The following ACAN variants were observed in gnomAD, a reference collection of about 807,000 sequenced individuals.
The protein encoded by ACAN is aggrecan core protein.
ACAN carries 47 observed loss-of-function variants against 169.1 expected under a neutral mutation model. The observed-to-expected ratio is 0.28, with a 90% CI of 0.22 to 0.35. The LOEUF (loss-of-function observed/expected upper bound fraction) is 0.35, where lower values mean the gene tolerates loss of function less well. Among genes scored for constraint, ACAN ranks in the 10% least tolerant of loss-of-function variants. The probability of loss-of-function intolerance (pLI) is 1.00; values close to 1 mark genes in which losing one functional copy is unlikely to be tolerated. For synonymous variants in ACAN, 1,115 were observed against 1,112.2 expected (o/e 1.00, Z -0.05); for missense variants, 2,716 against 2,759.9 (o/e 0.98, Z 0.36).
chr15:88,859,422 T>G lies in ACAN; in HGVS notation c.6832+5T>G, dbSNP rs775904422. On this transcript the variant is annotated splice_donor_5th_base_variant and intron_variant, in intron 12 of 18. Transcript: ENST00000560601. ...AATCAGAATCAACTGCTGCAGGTAT[T>G]GTGATTTTTTCCCCCTTTAAATGTG... 3.2e-6 allele frequency: 5 copies of G among 1,552,836 alleles called. 1 individual carries two copies. The South Asian group carries it at 5.9e-5, about 18-fold the overall frequency.
intron 4 of ACAN, 36 bp from the exon 5 acceptor site, chr15:88,841,704 C>G (rs771073044): frequency 3.1e-6 from 5 of 1,613,128 alleles, no homozygotes; most frequent in East Asian, 2.2e-5. Context: ...CCCTTTGTCC[C>G]CTGAGTGTCA....
Position 88,807,518 on chromosome 15 carries a change from C to T in ACAN, c.-8+3709C>T, listed in dbSNP as rs1028562463. ...ATCCAACAGGACACAGCCATCCCTG[C>T]GAGGGAGTCTGGGCCCCTGGACGCA... On this transcript the variant is annotated intron_variant, in intron 1 of 18. Coordinates refer to ENST00000560601, the MANE Select transcript of ACAN (RefSeq NM_001369268.1). This position sits in a 1 kb window ranked among gnomAD's most constrained non-coding sequence, Gnocchi z 4.0. Among the ~76,000 whole-genome samples, 3 of 152,122 alleles carry T rather than the reference C, an allele frequency of 2.0e-5. No homozygotes were observed. The highest frequency in any genetic ancestry group is 2.1e-4 in the South Asian group (1 of 4,822).
chr15:88,818,293 G>T (rs1021244576), intron 1 of ACAN, among the ~76,000 whole-genome samples: 1 of 152,334 alleles, frequency 6.6e-6, no homozygotes, highest in African/African-American at 2.4e-5. Context: ...ACACAACTGT[G>T]AGTGCATTCT....
At chr15:88,818,918 A>T (rs570497162) in intron 1 of ACAN, among the ~76,000 whole-genome samples, 2 of 152,386 alleles carry the variant, frequency 1.3e-5, no homozygotes, top group South Asian at 4.1e-4. Context: ...ATTTTATGTT[A>T]TGTATATTTT....
rs977572344 is a variant in ACAN at position 88,875,107 on chromosome 15, G to T, written c.*626G>T. 8 of 158,382 alleles carry T rather than the reference G, an allele frequency of 5.1e-5. No homozygotes were observed. The highest frequency in any genetic ancestry group is 1.1e-4 in the Non-Finnish European group (8 of 71,662). The allele number at this position is 158,382 out of a possible 1,614,324, so 9.8% of individuals were successfully genotyped here. A position where few individuals can be genotyped will look rare whatever the true frequency, so the allele number is the denominator to read the frequency against. ...TCAGAGGGACCTCCGCTGCCTGGGA[G>T]TTGGGTTCCCTCCAAGGGTCCCTCT... On this transcript the variant is annotated 3_prime_UTR_variant, in exon 19 of 19. Coordinates refer to ENST00000560601, the MANE Select transcript of ACAN (RefSeq NM_001369268.1). This position sits in a 1 kb window ranked among gnomAD's most constrained non-coding sequence, Gnocchi z 4.8.
rs1031315517 is a variant in ACAN at position 88,839,379 on chromosome 15, A to C, written c.454+333A>C. On this transcript the variant is annotated intron_variant, in intron 3 of 18. Transcript: ENST00000560601. This position sits in a 1 kb window ranked among gnomAD's most constrained non-coding sequence, Gnocchi z 4.5. ...TGACTTGCCTGAGGTTACCCTGGAA[A>C]TGAGTCAGAGCAGTCTCCTGACAGT... 6.6e-6 allele frequency among the ~76,000 whole-genome samples: 1 copy of C among 152,222 alleles called. No homozygotes were observed. Among genetic ancestry groups the C allele is most frequent in the Non-Finnish European group, 1.5e-5 (1 of 68,040 alleles).
intron 1 of ACAN, among the ~76,000 whole-genome samples, chr15:88,821,525 C>G (rs1328406248): frequency 6.6e-6 from 1 of 152,178 alleles, no homozygotes; most frequent in African/African-American, 2.4e-5. Context: ...ATCTATAGTT[C>G]CCTGTCAGCA....
At position 88,857,887 on chromosome 15, in the gene ACAN, G is replaced by A. The variant is rs1461918354; in HGVS notation, c.5302G>A (p.Glu1768Lys). The A allele has an allele frequency of 6.2e-7, 1 of 1,613,562 alleles. No individual in the cohort carries two copies. The highest frequency in any genetic ancestry group is 1.1e-5 in the South Asian group (1 of 91,064). ...CTCTGGACAACCAGGTATTAGTGGA[G>A]AAGCATCTGGAGTTCTTTATGGCAC... ...LSSGQPGISG[E>K]ASGVLYGTSQ... Residue 1768 changes from glutamate (E) to lysine (K), a missense_variant, in exon 12 of 19, where the codon GAA becomes AAA. Physicochemically the swap from Glu to Lys is moderately conservative, Grantham distance 56. Around this residue, in one of 3 missense-constraint regions of ACAN, gnomAD observed 1,389 missense variants for 1,363.7 expected, o/e 1.02. Coordinates refer to ENST00000560601, the MANE Select transcript of ACAN (RefSeq NM_001369268.1).
In ACAN at chr15:88,814,457, G is replaced by C. The variant is rs1018358525; in HGVS notation, c.-8+10648G>C. On this transcript the variant is annotated intron_variant, in intron 1 of 18. Coordinates refer to ENST00000560601, the MANE Select transcript of ACAN (RefSeq NM_001369268.1). This position sits in a 1 kb window ranked among gnomAD's most constrained non-coding sequence, Gnocchi z 4.0. ...TCTTACCATCCTGGAGCAGAAAGGG[G>C]CCTCAGGAATGCAAGAAGAGCCACA... Among the ~76,000 whole-genome samples, 5 of 152,170 alleles carry C rather than the reference G, an allele frequency of 3.3e-5. No homozygotes were observed. Among genetic ancestry groups the C allele is most frequent in the Non-Finnish European group, 5.9e-5 (4 of 68,028 alleles).
Position 88,839,163 on chromosome 15 carries a change from C to A in ACAN, c.454+117C>A. The A allele has an allele frequency of 7.5e-7, 1 of 1,335,886 alleles. No individual in the cohort carries two copies. Among genetic ancestry groups the A allele is most frequent in the Non-Finnish European group, 1.0e-6 (1 of 977,104 alleles). 82.8% of individuals were successfully genotyped at this position (1,335,886 alleles called of 1,614,324 possible). On this transcript the variant is annotated intron_variant, in intron 3 of 18. Coordinates refer to ENST00000560601, the MANE Select transcript of ACAN (RefSeq NM_001369268.1). This position sits in a 1 kb window ranked among gnomAD's most constrained non-coding sequence, Gnocchi z 4.5. ...AACCAGCTCCTCCACGCACCTCAGC[C>A]AAGTTACTTAACTTCAGCTGCTTCC...
Position 88,845,838 on chromosome 15 carries a change from T to C in ACAN, c.1385T>C (p.Val462Ala). 6.7e-7 allele frequency: 1 copy of C among 1,494,772 alleles called. No individual in the cohort carries two copies. Among genetic ancestry groups the C allele is most frequent in the Non-Finnish European group, 8.9e-7 (1 of 1,119,360 alleles). The allele number at this position is 1,494,772 out of a possible 1,614,324, so 92.6% of individuals were successfully genotyped here. A position where few individuals can be genotyped will look rare whatever the true frequency, so the allele number is the denominator to read the frequency against. ...PATAFTSEDL[V>A]VQVTAVPGQP... ...ACGGCATTCACCAGTGAGGACCTCGTCGTGCAGGTGACCGCTGTCCCTGGG... is the reference window on the plus strand; with the variant it reads ...ACGGCATTCACCAGTGAGGACCTCGCCGTGCAGGTGACCGCTGTCCCTGGG... The change falls in exon 7 of 19, where the codon GTC (valine) becomes GCC (alanine). Residue 462 changes from valine (V) to alanine (A), a missense_variant. Coordinates refer to ENST00000560601, the MANE Select transcript of ACAN (RefSeq NM_001369268.1).
At chr15:88,842,868 C>T (rs1178138077) in intron 5 of ACAN, among the ~76,000 whole-genome samples, 6 of 152,128 alleles carry the variant, frequency 3.9e-5, no homozygotes, top group African/African-American at 7.2e-5. Context: ...TCATGGTCCT[C>T]GAATGATGCT....
Position 88,839,063 on chromosome 15 carries a change from G to A in ACAN, c.454+17G>A. On this transcript the variant is annotated intron_variant, in intron 3 of 18. Coordinates refer to ENST00000560601, the MANE Select transcript of ACAN (RefSeq NM_001369268.1). The surrounding 1 kb of genome is among the most constrained non-coding windows in gnomAD (Gnocchi z 4.5). ...TGGTGAAAGGTGAGAGCCTCCCACA[G>A]GGACAGACGCTGCTTCACCCACATA... 2 of 1,598,604 alleles carry A rather than the reference G, an allele frequency of 1.3e-6. No individual in the cohort carries two copies. Among genetic ancestry groups the A allele is most frequent in the Non-Finnish European group, 1.7e-6 (2 of 1,178,934 alleles).
rs779697318 is a variant in ACAN at position 88,868,179 on chromosome 15, G to A, written c.6947-37G>A. On this transcript the variant is annotated intron_variant, in intron 13 of 18. Coordinates refer to ENST00000560601, the MANE Select transcript of ACAN (RefSeq NM_001369268.1). This position sits in a 1 kb window ranked among gnomAD's most constrained non-coding sequence, Gnocchi z 5.2. ...CAGTGCTTGTGAGGCTGGAGTTGCC[G>A]GCAGGAGTCCTAATGGTGGCCCTTG... 4.9e-5 allele frequency: 34 copies of A among 695,722 alleles called. No homozygotes were observed. Among genetic ancestry groups the A allele is most frequent in the Non-Finnish European group, 8.1e-5 (31 of 381,102 alleles). The allele number at this position is 695,722 out of a possible 1,614,324, so 43.1% of individuals were successfully genotyped here. A position where few individuals can be genotyped will look rare whatever the true frequency, so the allele number is the denominator to read the frequency against.
At chr15:88,816,992 A>G (rs553607149) in intron 1 of ACAN, among the ~76,000 whole-genome samples, 7 of 152,202 alleles carry the variant, frequency 4.6e-5, no homozygotes, top group African/African-American at 1.7e-4. Context: ...TTCCCCACTG[A>G]GACTTTCCTT....
intron 13 of ACAN, among the ~76,000 whole-genome samples, chr15:88,863,589 G>C (rs1897238134): frequency 6.6e-6 from 1 of 152,198 alleles, no homozygotes; most frequent in Non-Finnish European, 1.5e-5. Flanking sequence ...GTGCTATGTA[G>C]CCTTCTCTTA....
At chr15:88,810,531 A>C (rs1008107895) in intron 1 of ACAN, among the ~76,000 whole-genome samples, 12 of 151,834 alleles carry the variant, frequency 7.9e-5, no homozygotes, top group African/African-American at 2.9e-4. Context: ...ATCCCTCCCC[A>C]AGCAGATGCT....
At chr15:88,828,961 G>T (rs779494478) in intron 1 of ACAN, among the ~76,000 whole-genome samples, 1 of 152,136 alleles carries the variant, frequency 6.6e-6, no homozygotes, top group South Asian at 2.1e-4. Flanking sequence ...CCCTTCACTG[G>T]GCCCCTCTGT....
Position 88,849,438 on chromosome 15 carries a change from G to A in ACAN, c.1733G>A (p.Gly578Glu). Residue 578 changes from glycine to glutamate, a missense_variant and splice_region_variant, in exon 10 of 19, where the codon GGG (glycine) becomes GAG (glutamate). By Grantham distance (98) the Gly-to-Glu change is moderately conservative. Coordinates refer to ENST00000560601, the MANE Select transcript of ACAN (RefSeq NM_001369268.1). The surrounding 1 kb of genome is among the most constrained non-coding windows in gnomAD (Gnocchi z 5.1). ...TTCTACCCCTTGCCTCTGCCCCCAG[G>A]GGAGGTGTTCTTCGCCACACGCCTT... is the stretch of plus-strand genomic sequence containing the variant. ...DVYCFVDRLEGEVFFATRLEQ... is the reference protein window; with the variant it reads ...DVYCFVDRLEEEVFFATRLEQ... 6.3e-7 allele frequency: 1 copy of A among 1,582,672 alleles called. No homozygotes were observed.
Sources: gnomAD v4.1 joint callset for allele counts (sites outside exome capture counted in the v4.1 genomes callset) on GRCh38, gnomAD v4.1.1 for gene constraint, gnomAD v4.1.1 regional missense constraint, Gnocchi (gnomAD v3.1) non-coding constraint, MANE v1.5 for transcripts, NCBI Gene and HGNC (gene_info 2026-07-23, HGNC 2026-07-21) for gene names.